The following TOGARAM1 variants were observed in gnomAD, a reference collection of about 807,000 sequenced individuals.
The protein encoded by TOGARAM1 is TOG array regulator of axonemal microtubules 1.
Under a neutral mutation model 166.6 loss-of-function variants are expected in TOGARAM1, and 100 were observed. The ratio of observed to expected loss-of-function variants is 0.60; its 90% confidence interval spans 0.51 to 0.71. TOGARAM1 has a LOEUF of 0.71. TOGARAM1 is among the 30% of genes least tolerant of loss of function. The pLI is 0.00. For synonymous variants in TOGARAM1, 758 were observed against 763.8 expected (o/e 0.99, Z 0.13); for missense variants, 2,029 against 2,102.7 (o/e 0.96, Z 0.69).
intron 11 of TOGARAM1, among the ~76,000 whole-genome samples, chr14:45,036,706 C>G (rs866723882): frequency 2.6e-5 from 4 of 152,198 alleles, no homozygotes; most frequent in Non-Finnish European, 4.4e-5. Flanking sequence ...AGGCTGAAAT[C>G]AAAGTATCAG....
At position 45,031,136 on chromosome 14, in the gene TOGARAM1, A is replaced by T. The variant is rs556200424; in HGVS notation, c.3659-1087A>T. ...GTGATTTCAGGTAACATTTTCTCAC[A>T]GATAACATGGTTAATAAACAATTTT... On this transcript the variant is annotated intron_variant, in intron 10 of 19. Coordinates refer to ENST00000361462, the MANE Select transcript of TOGARAM1 (RefSeq NM_001308120.2). Among the ~76,000 whole-genome samples the T allele has an allele frequency of 2.0e-5, 3 of 152,346 alleles. No homozygotes were observed. The East Asian group carries it at 5.8e-4, about 29-fold the overall frequency.
intron 11 of TOGARAM1, among the ~76,000 whole-genome samples, chr14:45,042,716 A>G (rs184135178): frequency 4.7e-4 from 72 of 152,274 alleles, no homozygotes; most frequent in South Asian, 2.5e-3. Context: ...AAAAAAATCA[A>G]TATGCCTTAA....
intron 10 of TOGARAM1, among the ~76,000 whole-genome samples, chr14:45,029,365 G>C (rs1363077065): frequency 6.6e-6 from 1 of 152,054 alleles, no homozygotes; most frequent in Non-Finnish European, 1.5e-5. Flanking sequence ...ATAAATTTGG[G>C]GTATTAATTC....
At chr14:45,039,804 C>T (rs1163532499) in intron 11 of TOGARAM1, among the ~76,000 whole-genome samples, 1 of 152,144 alleles carries the variant, frequency 6.6e-6, no homozygotes, top group East Asian at 1.9e-4. Flanking sequence ...TGCAGCTGCA[C>T]CCAGGAGGTC....
intron 16 of TOGARAM1, among the ~76,000 whole-genome samples, chr14:45,059,634 C>T (rs10131585): frequency 0.047 from 7,058 of 151,704 alleles, 533 homozygotes; most frequent in African/African-American, 0.16. Context: ...CCAACCTGGG[C>T]GACAGAGCGA....
intron 9 of TOGARAM1, 101 bp from the exon 10 acceptor site, chr14:45,028,075 G>A: frequency 1.0e-6 from 1 of 952,448 alleles, no homozygotes; most frequent in Non-Finnish European, 1.6e-6. Flanking sequence ...CTTAAGTAGT[G>A]ACAGACTAAT....
intron 1 of TOGARAM1, among the ~76,000 whole-genome samples, chr14:44,970,408 A>G (rs1885817539): frequency 6.6e-6 from 1 of 152,160 alleles, no homozygotes; most frequent in Non-Finnish European, 1.5e-5. Flanking sequence ...GCTTGCTATA[A>G]TATAATCATT....
Position 45,037,440 on chromosome 14 carries a change from G to A in TOGARAM1, c.3812+5064G>A, listed in dbSNP as rs542858113. On this transcript the variant is annotated intron_variant, in intron 11 of 19. Coordinates refer to ENST00000361462, the MANE Select transcript of TOGARAM1 (RefSeq NM_001308120.2). ...CGTATCAATCACAGGGAGTGATATC[G>A]CAACACATTCATGGAGAGGGTGTAA... 1.2e-3 allele frequency among the ~76,000 whole-genome samples: 184 copies of A among 152,212 alleles called. 1 individual carries two copies. The highest frequency in any genetic ancestry group is 2.0e-3 in the Non-Finnish European group (139 of 68,006).
intron 6 of TOGARAM1, among the ~76,000 whole-genome samples, chr14:45,011,733 A>G (rs990441038): frequency 2.0e-5 from 3 of 151,860 alleles, no homozygotes; most frequent in Non-Finnish European, 1.5e-5. Context: ...AATTGGCCAT[A>G]TGTTAAAAAG....
At chr14:44,989,583 A>G (rs904577032) in intron 1 of TOGARAM1, among the ~76,000 whole-genome samples, 2 of 151,924 alleles carry the variant, frequency 1.3e-5, no homozygotes, top group African/African-American at 4.8e-5. Context: ...CCATTCTCAT[A>G]CTACTATAAA....
chr14:45,046,431 G>A (rs1371865412), intron 13 of TOGARAM1, 114 bp from the exon 14 acceptor site: 3 of 895,270 alleles, frequency 3.4e-6, no homozygotes, highest in Non-Finnish European at 4.4e-6. Flanking sequence ...GCAAGACCCT[G>A]TCCCAAAAAA....
In TOGARAM1 at chr14:44,963,563, A is replaced by G. The variant is rs1885335149; in HGVS notation, c.1142A>G (p.Lys381Arg). Residue 381 changes from lysine to arginine, a missense_variant, in exon 1 of 20, where the codon AAA becomes AGA. Around this residue, in one of 2 missense-constraint regions of TOGARAM1, gnomAD observed 1,453 missense variants for 1,432.2 expected, o/e 1.01. Coordinates refer to ENST00000361462, the MANE Select transcript of TOGARAM1 (RefSeq NM_001308120.2). ...AVEELKQVLG[K>R]FNPSSTPHSS... The stretch of plus-strand genomic sequence containing the variant: ...GAAGAACTAAAGCAGGTGCTGGGAA[A>G]ATTTAACCCTAGTTCTACTCCTCAT... The G allele has an allele frequency of 4.3e-6, 7 of 1,613,704 alleles. No homozygotes were observed. In the Admixed American group the frequency reaches 6.7e-5, roughly 15 times the overall value.
chr14:45,032,412 G>C (rs1180649566), intron 11 of TOGARAM1, 36 bp downstream of exon 11: 4 of 1,549,998 alleles, frequency 2.6e-6, no homozygotes, highest in African/African-American at 1.4e-5. Context: ...ACTAAGCAGA[G>C]TTCAAAAGCT....
In TOGARAM1 at chr14:45,032,391, CT is replaced by C. The variant is rs1194118279; in HGVS notation, c.3812+17del. 3 of 1,606,668 alleles carry C rather than the reference CT, an allele frequency of 1.9e-6. No individual in the cohort carries two copies. The highest frequency in any genetic ancestry group is 2.7e-5 in the African/African-American group (2 of 74,512). On this transcript the variant is annotated intron_variant, in intron 11 of 19. Transcript: ENST00000361462. ...GATGAGGATTGGTAAGTTCACCATCCTTAACTTAAAACTAAGCAGAGTTCAA... is the reference window on the plus strand; with the variant it reads ...GATGAGGATTGGTAAGTTCACCATCCTAACTTAAAACTAAGCAGAGTTCAA...
At chr14:44,970,994 GT>G (rs1227575408) in intron 1 of TOGARAM1, among the ~76,000 whole-genome samples, 1 of 151,950 alleles carries the variant, frequency 6.6e-6, no homozygotes, top group African/African-American at 2.4e-5. Flanking sequence ...GGTCTGTGGG[GT>G]TTTTGTTTTG....
rs190056378 is a variant in TOGARAM1, at chr14:44,971,286, T to C, written c.2046+6819T>C. On this transcript the variant is annotated intron_variant, in intron 1 of 19. Transcript: ENST00000361462. ...ATCTTCTTGTGTGTGTTTTTACACA[T>C]TGTGTCTTTCAAGGAATTGATCCAT... 1.2e-3 allele frequency among the ~76,000 whole-genome samples: 178 copies of C among 152,318 alleles called. 3 individuals are homozygous for C. In the East Asian group the frequency reaches 0.032, roughly 27 times the overall value.
chr14:45,063,467 T>TCATTTGA (rs1882991214), intron 16 of TOGARAM1, among the ~76,000 whole-genome samples: 1 of 151,232 alleles, frequency 6.6e-6, no homozygotes, highest in Non-Finnish European at 1.5e-5. Flanking sequence ...AACTAGTATC[T>TCATTTGA]CATTTGACAA....
At chr14:45,029,834 T>C (rs1037654924) in intron 10 of TOGARAM1, among the ~76,000 whole-genome samples, 5 of 152,194 alleles carry the variant, frequency 3.3e-5, no homozygotes, top group African/African-American at 1.2e-4. Context: ...TTGTTGGTTT[T>C]TTTTTGAGAT....
intron 1 of TOGARAM1, among the ~76,000 whole-genome samples, chr14:44,995,065 C>CA (rs1309713966): frequency 1.3e-5 from 2 of 152,130 alleles, no homozygotes; most frequent in African/African-American, 4.8e-5. Context: ...GAATTTTGAA[C>CA]ATTTGATTCA....
Sources: allele counts gnomAD v4.1 joint callset (sites outside exome capture counted in the v4.1 genomes callset), GRCh38; gene constraint gnomAD v4.1.1; regional missense constraint gnomAD v4.1.1; transcripts MANE v1.5; gene names NCBI Gene and HGNC (gene_info 2026-07-23, HGNC 2026-07-21).